Variants in DIP2A observed in about 807,000 individuals in gnomAD.
The protein encoded by DIP2A is disco-interacting protein 2 homolog A.
A neutral mutation model predicts 177.4 loss-of-function variants in DIP2A; 85 were observed. The observed-to-expected ratio is 0.48, with a 90% CI of 0.40 to 0.57. The LOEUF (loss-of-function observed/expected upper bound fraction) is 0.57. DIP2A is among the 20% of genes least tolerant of loss of function. The pLI, the probability that DIP2A is intolerant of heterozygous loss-of-function variation, is 0.00. For missense variants in DIP2A, 1,791 were observed against 2,100.2 expected, an observed-to-expected ratio of 0.85 and a Z score of 2.88; for synonymous variants, 886 against 881.8, an observed-to-expected ratio of 1.00 and a Z score of -0.08.
At chr21:46,552,089 C>T (rs1353618936) in intron 25 of DIP2A, among the ~76,000 whole-genome samples, 185 bp downstream of exon 25, 2 of 152,200 alleles carry the variant, frequency 1.3e-5, no homozygotes, top group African/African-American at 4.8e-5. Context: ...GACTCAGCCC[C>T]CTTGTCTGGT....
chr21:46,461,214 C>G (rs983423499), intron 1 of DIP2A, among the ~76,000 whole-genome samples: 6 of 140,462 alleles, frequency 4.3e-5, no homozygotes, highest in South Asian at 2.3e-4. Flanking sequence ...AGGAGGATCA[C>G]CTGAGCACTG....
intron 21 of DIP2A, among the ~76,000 whole-genome samples, chr21:46,548,237 G>A (rs761107105): frequency 2.6e-5 from 4 of 152,090 alleles, no homozygotes; most frequent in Non-Finnish European, 5.9e-5. Context: ...CAGGGGGAGG[G>A]TGGCACAGCC....
At chr21:46,517,337 C>T (rs1193214831) in intron 8 of DIP2A, among the ~76,000 whole-genome samples, 1 of 152,082 alleles carries the variant, frequency 6.6e-6, no homozygotes, top group East Asian at 1.9e-4. Context: ...CCTCAGCCTC[C>T]CAAAGTGCTG....
intron 18 of DIP2A, among the ~76,000 whole-genome samples, chr21:46,544,845 G>A (rs1203254043): frequency 6.6e-6 from 1 of 152,194 alleles, no homozygotes. Context: ...AGGAGGCACA[G>A]GGTTTATTTA....
At position 46,537,170 on chromosome 21, in the gene DIP2A, T is replaced by C. The variant is rs191048463; in HGVS notation, c.1643-54T>C. On this transcript the variant is annotated intron_variant, in intron 13 of 37. Transcript: ENST00000417564. The surrounding 1 kb of genome is among the most constrained non-coding windows in gnomAD (Gnocchi z 4.1). ...CCTCAGAATTTCTCTAGAAAATGCA[T>C]AGGGCTTATTGAGAGGGTTGCTCAG... 30 of 1,583,480 alleles carry C rather than the reference T, an allele frequency of 1.9e-5. No homozygotes were observed. The Admixed American group carries it at 4.5e-4, about 24-fold the overall frequency.
At chr21:46,508,793 C>G (rs942642239) in intron 6 of DIP2A, among the ~76,000 whole-genome samples, 5 of 151,732 alleles carry the variant, frequency 3.3e-5, no homozygotes, top group African/African-American at 1.2e-4. Context: ...GAGGCCAAGG[C>G]AGGTGGATCA....
chr21:46,503,571 T>TTCCTTCCTTCCTTC (rs2057778973), intron 5 of DIP2A, among the ~76,000 whole-genome samples: 12 of 83,758 alleles, frequency 1.4e-4, no homozygotes, highest in South Asian at 4.7e-4. Flanking sequence ...TGAGGGAATT[T>TTCCTTCCTTCCTTC]CTTCCTTCCT....
intron 2 of DIP2A, among the ~76,000 whole-genome samples, chr21:46,487,460 A>G (rs2839288): frequency 0.35 from 53,430 of 152,102 alleles, 9,732 homozygotes; most frequent in Middle Eastern, 0.45. Context: ...GGCCATGCCC[A>G]TTCTTATTAC....
At position 46,554,302 on chromosome 21, in the gene DIP2A, C is replaced by T. The variant is rs768126586; in HGVS notation, c.3154+10C>T. The T allele has an allele frequency of 8.7e-6, 14 of 1,613,184 alleles. No individual in the cohort carries two copies. In the East Asian group the frequency reaches 3.1e-4, roughly 36 times the overall value. On this transcript the variant is annotated intron_variant, in intron 26 of 37. Coordinates refer to ENST00000417564, the MANE Select transcript of DIP2A (RefSeq NM_015151.4). ...CTGGTCTACCCACCAGGTGGGCTCA[C>T]TGTGGGGCTGTCCACCTGCAGCTCT...
intron 26 of DIP2A, 83 bp downstream of exon 26, chr21:46,554,375 C>T (rs181900832): frequency 1.7e-4 from 267 of 1,571,450 alleles, no homozygotes; most frequent in South Asian, 7.9e-4. Flanking sequence ...ACTCCCTCCC[C>T]GAAGCATCTT....
rs1033728842 is a variant in DIP2A at position 46,568,876 on chromosome 21, T to C, written c.*1254T>C. The C allele has an allele frequency of 6.6e-6, 1 of 152,182 alleles. No individual in the cohort carries two copies. Among genetic ancestry groups the C allele is most frequent in the African/African-American group, 2.4e-5 (1 of 41,432 alleles). The allele number at this position is 152,182 out of a possible 1,614,324, so 9.4% of individuals were successfully genotyped here. On this transcript the variant is annotated 3_prime_UTR_variant, in exon 38 of 38. Transcript: ENST00000417564. Reference sequence around the variant, plus strand: ...GAACAGCATTGCCCCGTATTGAAGGTGGAGATGGTTACATTCTTCACTGCT... The same window carrying C: ...GAACAGCATTGCCCCGTATTGAAGGCGGAGATGGTTACATTCTTCACTGCT...
chr21:46,516,121 G>A (rs1170732755), intron 8 of DIP2A, among the ~76,000 whole-genome samples: 1 of 152,088 alleles, frequency 6.6e-6, no homozygotes, highest in African/African-American at 2.4e-5. Flanking sequence ...GTGTATGGCC[G>A]CTTAAAAAGT....
At position 46,478,086 on chromosome 21, in the gene DIP2A, T is replaced by C. The variant is rs763176889; in HGVS notation, c.92-6671T>C. 2.0e-5 allele frequency among the ~76,000 whole-genome samples: 3 copies of C among 152,234 alleles called. No homozygotes were observed. In the South Asian group the frequency reaches 6.2e-4, roughly 32 times the overall value. ...TAGCACCTGCTCCATTCTGTCTTCA[T>C]ATCTGGTAAAGTCTGCCCTTTTAAT... On this transcript the variant is annotated intron_variant, in intron 1 of 37. Transcript: ENST00000417564.
chr21:46,492,043 C>G (rs1182339981), intron 3 of DIP2A, among the ~76,000 whole-genome samples: 3 of 152,044 alleles, frequency 2.0e-5, no homozygotes, highest in Admixed American at 6.5e-5. Flanking sequence ...TTTAAGATAT[C>G]TTTGCCTAAC....
At chr21:46,509,579 A>G (rs1372895064) in intron 7 of DIP2A, among the ~76,000 whole-genome samples, 1 of 152,210 alleles carries the variant, frequency 6.6e-6, no homozygotes, top group Admixed American at 6.5e-5. Flanking sequence ...TGCTGCTCAT[A>G]TTCAAGTGAC....
intron 7 of DIP2A, 133 bp downstream of exon 7, chr21:46,509,509 G>A: frequency 9.2e-7 from 1 of 1,092,722 alleles, no homozygotes. Context: ...GTGGTCACTG[G>A]GTGTAATGGT....
At chr21:46,529,880 A>G (rs774903849) in intron 9 of DIP2A, among the ~76,000 whole-genome samples, 1 of 152,218 alleles carries the variant, frequency 6.6e-6, no homozygotes, top group Non-Finnish European at 1.5e-5. Flanking sequence ...CCTTGTACCT[A>G]TCTGCCAAAA....
At chr21:46,517,860 C>A (rs1386512057) in intron 8 of DIP2A, among the ~76,000 whole-genome samples, 8 of 152,264 alleles carry the variant, frequency 5.3e-5, no homozygotes, top group Non-Finnish European at 1.2e-4. Context: ...AGCGTAAAGA[C>A]AGCTGCAGCT....
At chr21:46,562,802 T>C (rs1198184866) in intron 34 of DIP2A, among the ~76,000 whole-genome samples, 6 of 152,158 alleles carry the variant, frequency 3.9e-5, no homozygotes, top group African/African-American at 1.4e-4. Flanking sequence ...GTGAGCTTAG[T>C]GGACAGCACA....
Sources: allele counts gnomAD v4.1 joint callset (sites outside exome capture counted in the v4.1 genomes callset), GRCh38; gene constraint gnomAD v4.1.1; non-coding constraint Gnocchi (gnomAD v3.1); transcripts MANE v1.5; gene names NCBI Gene and HGNC (gene_info 2026-07-23, HGNC 2026-07-21).